HERC1: variants seen among roughly 807,000 people sequenced by gnomAD.
HERC1 encodes the protein probable E3 ubiquitin-protein ligase HERC1.
In HERC1, 160 loss-of-function variants were observed where a neutral mutation model predicts 554.3. The observed-to-expected ratio is 0.29, with a 90% CI of 0.25 to 0.33. The LOEUF is 0.33. Ranked by LOEUF, HERC1 falls within the 10% of genes least tolerant of loss-of-function variation. HERC1 has a pLI of 1.00. For synonymous variants in HERC1, 2,175 were observed against 2,131.7 expected, an observed-to-expected ratio of 1.02 and a Z score of -0.56; for missense variants, 4,919 against 5,918.5, an observed-to-expected ratio of 0.83 and a Z score of 5.54.
At position 63,616,462 on chromosome 15, in the gene HERC1, C is replaced by A. The variant is rs1849686386; in HGVS notation, c.13909G>T (p.Asp4637Tyr). The stretch of plus-strand genomic sequence containing the variant: ...AAACTCTCCTCGGTAATCCCACTGT[C>A]TTCAATGTGAAGAATGCTGTTGAGA... ...QTLNSILHIEDSGITEESFHE... is the reference protein window; with the variant it reads ...QTLNSILHIEYSGITEESFHE... Residue 4637 changes from aspartate to tyrosine, a missense_variant, in exon 75 of 78, where the codon GAC becomes TAC. Around this residue, in one of 11 missense-constraint regions of HERC1, gnomAD observed 284 missense variants for 294.1 expected, o/e 0.97. Transcript: ENST00000443617. 6.2e-7 allele frequency: 1 copy of A among 1,613,990 alleles called. No homozygotes were observed. The highest frequency in any genetic ancestry group is 8.5e-7 in the Non-Finnish European group (1 of 1,179,880).
At position 63,692,102 on chromosome 15, in the gene HERC1, G is replaced by A. The variant is rs139613398; in HGVS notation, c.5830+309C>T. Among the ~76,000 whole-genome samples the A allele has an allele frequency of 0.013, 1,942 of 152,272 alleles. 22 individuals carry two copies. The highest frequency in any genetic ancestry group is 0.023 in the East Asian group (118 of 5,186). ...TCCTGATAATCCAAGAAGCAAGGTC[G>A]GAATCTGTGCTAAAATATCGTATTA... On this transcript the variant is annotated intron_variant, in intron 31 of 77. Transcript: ENST00000443617. This position sits in a 1 kb window ranked among gnomAD's most constrained non-coding sequence, Gnocchi z 4.7.
intron 48 of HERC1, 99 bp from the exon 49 acceptor site, chr15:63,656,457 A>C (rs1408907283): frequency 1.4e-5 from 15 of 1,072,526 alleles, no homozygotes; most frequent in Non-Finnish European, 1.3e-6. Context: ...AACAACCATA[A>C]TAAAATGTAA....
intron 7 of HERC1, among the ~76,000 whole-genome samples, chr15:63,754,173 C>CAA (rs34864960): frequency 1.5e-4 from 19 of 124,908 alleles, no homozygotes; most frequent in African/African-American, 4.7e-4. Context: ...GACCCTATCT[C>CAA]AAAAAAAAAA....
intron 10 of HERC1, 72 bp from the exon 11 acceptor site, chr15:63,747,930 T>C (rs1412445253): frequency 1.4e-6 from 2 of 1,433,114 alleles, no homozygotes; most frequent in East Asian, 5.0e-5. Context: ...AAAACGAAAA[T>C]TAAAACATAT....
intron 19 of HERC1, among the ~76,000 whole-genome samples, chr15:63,719,896 T>C (rs1382915423): frequency 6.6e-6 from 1 of 152,120 alleles, no homozygotes; most frequent in African/African-American, 2.4e-5. Context: ...TACTCTCCAT[T>C]AGACATTCTA....
intron 52 of HERC1, 127 bp downstream of exon 52, chr15:63,652,287 G>T: frequency 3.0e-6 from 2 of 660,682 alleles, no homozygotes; most frequent in Non-Finnish European, 2.4e-6. Context: ...TGAAAATACA[G>T]TAATACTAAT....
intron 26 of HERC1, among the ~76,000 whole-genome samples, chr15:63,698,228 C>T (rs2072534428): frequency 6.6e-6 from 1 of 152,070 alleles, no homozygotes. Flanking sequence ...CCAGCCTGGC[C>T]AACATGGTGA....
At chr15:63,783,444 T>C (rs1170689105) in intron 1 of HERC1, among the ~76,000 whole-genome samples, 1 of 152,172 alleles carries the variant, frequency 6.6e-6, no homozygotes, top group Non-Finnish European at 1.5e-5. Context: ...GGTACATACA[T>C]TGCTTTTCTA....
chr15:63,737,420 T>A, intron 12 of HERC1, among the ~76,000 whole-genome samples: 1 of 135,076 alleles, frequency 7.4e-6, no homozygotes, highest in African/African-American at 2.7e-5. Context: ...TATATATCTT[T>A]TTTCCAGATA....
At chr15:63,638,384 T>A in intron 63 of HERC1, 27 bp downstream of exon 63, 1 of 1,602,758 alleles carries the variant, frequency 6.2e-7, no homozygotes. Flanking sequence ...CCCATGTTTC[T>A]TTTCTATTTT....
intron 1 of HERC1, among the ~76,000 whole-genome samples, chr15:63,790,778 C>CTT (rs375859669): frequency 2.3e-5 from 3 of 128,604 alleles, no homozygotes; most frequent in East Asian, 2.3e-4. Flanking sequence ...GTAGGGTTTT[C>CTT]TTTTTTTTTT....
At chr15:63,723,389 T>A (rs556031546) in intron 18 of HERC1, 34 bp from the exon 19 acceptor site, 87 of 1,419,720 alleles carry the variant, frequency 6.1e-5, no homozygotes, top group Non-Finnish European at 8.1e-5. Flanking sequence ...AATTTTAACA[T>A]CATAAATTTT....
intron 25 of HERC1, 35 bp downstream of exon 25, chr15:63,706,745 A>G (rs1019778830): frequency 3.2e-6 from 4 of 1,255,606 alleles, no homozygotes; most frequent in Non-Finnish European, 4.4e-6. Flanking sequence ...GGGTCTCACT[A>G]AGATATTTAC....
chr15:63,637,735 G>T, intron 63 of HERC1, 92 bp from the exon 64 acceptor site: 1 of 1,059,804 alleles, frequency 9.4e-7, no homozygotes, highest in Non-Finnish European at 1.3e-6. Context: ...TACATAGAAT[G>T]CTTTTATAAT....
intron 26 of HERC1, among the ~76,000 whole-genome samples, chr15:63,698,194 T>A (rs573574118): frequency 6.6e-6 from 1 of 152,158 alleles, no homozygotes; most frequent in Admixed American, 6.5e-5. Context: ...GGCAAGTGGA[T>A]CACCTGAGGT....
rs756699637 is a variant in HERC1, at chr15:63,662,010, C to T, written c.8913G>A (p.Glu2971=). The change falls in exon 45 of 78, where the codon GAG becomes GAA. Residue 2971 remains glutamate, a synonymous_variant. Coordinates refer to ENST00000443617, the MANE Select transcript of HERC1 (RefSeq NM_003922.4). ...VLDWPTWHVC[E]SEDREEVVVC... ...CCACCACTTCTTCCCTGTCTTCAGACTCACAAACATGCTGCACAAAAGGAT... is the reference window on the plus strand; with the variant it reads ...CCACCACTTCTTCCCTGTCTTCAGATTCACAAACATGCTGCACAAAAGGAT... 2 of 1,611,904 alleles carry T rather than the reference C, an allele frequency of 1.2e-6. No homozygotes were observed. Among genetic ancestry groups the T allele is most frequent in the Non-Finnish European group, 1.7e-6 (2 of 1,178,186 alleles).
chr15:63,703,360 G>C (rs2072833783), intron 25 of HERC1, among the ~76,000 whole-genome samples: 1 of 152,226 alleles, frequency 6.6e-6, no homozygotes, highest in South Asian at 2.1e-4. Context: ...CCCTCTCAAG[G>C]AGGAGCCTTT....
intron 1 of HERC1, among the ~76,000 whole-genome samples, chr15:63,814,807 A>G (rs2077441953): frequency 6.6e-6 from 1 of 152,198 alleles, no homozygotes; most frequent in Non-Finnish European, 1.5e-5. Context: ...TAAATCCAAG[A>G]ATCAGCTCTG....
At chr15:63,664,415 A>C in intron 43 of HERC1, 55 bp downstream of exon 43, 3 of 1,551,100 alleles carry the variant, frequency 1.9e-6, no homozygotes, top group Non-Finnish European at 8.8e-7. Flanking sequence ...GTGCCTTTAC[A>C]TTGCTTTCAA....
Sources: allele counts gnomAD v4.1 joint callset (sites outside exome capture counted in the v4.1 genomes callset), GRCh38; gene constraint gnomAD v4.1.1; regional missense constraint gnomAD v4.1.1; non-coding constraint Gnocchi (gnomAD v3.1); transcripts MANE v1.5; gene names NCBI Gene and HGNC (gene_info 2026-07-23, HGNC 2026-07-21).